Variants in PRKG2 observed in about 807,000 individuals in gnomAD.
The protein encoded by PRKG2 is cGMP-dependent protein kinase 2.
Under a neutral mutation model 97.2 loss-of-function variants are expected in PRKG2, and 33 were observed. That is an observed-to-expected ratio of 0.34 (90% CI 0.26 to 0.45). The LOEUF is 0.45. PRKG2 is among the 20% of genes least tolerant of loss of function. PRKG2 has a pLI of 1.00. For missense variants in PRKG2, 638 were observed against 900.0 expected, an observed-to-expected ratio of 0.71 and a Z score of 3.73; for synonymous variants, 330 against 321.8, an observed-to-expected ratio of 1.03 and a Z score of -0.27.
At chr4:81,102,799 G>A (rs779259015) in intron 17 of PRKG2, among the ~76,000 whole-genome samples, 2 of 152,078 alleles carry the variant, frequency 1.3e-5, no homozygotes, top group East Asian at 3.9e-4. Context: ...TTGTTTTGAA[G>A]CTGTACTGCT....
chr4:81,124,915 G>A (rs879476043), intron 14 of PRKG2, among the ~76,000 whole-genome samples: 16 of 152,050 alleles, frequency 1.1e-4, no homozygotes, highest in Admixed American at 1.0e-3. Flanking sequence ...CTGATGATTG[G>A]TGTCATTTTT....
intron 14 of PRKG2, among the ~76,000 whole-genome samples, chr4:81,127,341 G>T (rs1437332842): frequency 1.3e-5 from 2 of 152,114 alleles, no homozygotes; most frequent in Non-Finnish European, 2.9e-5. Flanking sequence ...AAATGTCTTG[G>T]CTATACAGGC....
intron 12 of PRKG2, among the ~76,000 whole-genome samples, chr4:81,138,529 C>G (rs893251280): frequency 2.0e-5 from 3 of 151,820 alleles, no homozygotes; most frequent in Admixed American, 2.0e-4. Context: ...TTACTCTATA[C>G]AGATTACATA....
intron 2 of PRKG2, among the ~76,000 whole-genome samples, chr4:81,203,585 A>G (rs1485723756): frequency 1.3e-5 from 2 of 152,170 alleles, no homozygotes; most frequent in African/African-American, 2.4e-5. Context: ...TCGAGGCAAA[A>G]GATTTAATTT....
intron 14 of PRKG2, among the ~76,000 whole-genome samples, chr4:81,128,677 C>T (rs1334256717): frequency 6.6e-6 from 1 of 151,948 alleles, no homozygotes; most frequent in Non-Finnish European, 1.5e-5. Context: ...GGGTGATATC[C>T]CCTTTATCAT....
At chr4:81,174,075 T>C (rs1428508691) in intron 3 of PRKG2, 1 of 152,116 alleles carries the variant, frequency 6.6e-6, no homozygotes, top group Non-Finnish European at 1.5e-5. Context: ...TTATAAGATC[T>C]ATACATTACA....
At chr4:81,159,412 C>T (rs1336359037) in intron 6 of PRKG2, among the ~76,000 whole-genome samples, 2 of 152,136 alleles carry the variant, frequency 1.3e-5, no homozygotes, top group Non-Finnish European at 2.9e-5. Flanking sequence ...CAATGAGATA[C>T]CATTTCACAC....
chr4:81,182,542 G>C lies in PRKG2; in HGVS notation c.462-7583C>G, dbSNP rs77128517. On this transcript the variant is annotated intron_variant, in intron 2 of 18. Transcript: ENST00000264399. ...CAGAAGTCTGAGCAAATTTAATAAA[G>C]GGAGAAAGAAAAGAAACAAAAAGAA... Among the ~76,000 whole-genome samples, 308 of 151,594 alleles carry C rather than the reference G, an allele frequency of 2.0e-3. 3 individuals are homozygous for C. The highest frequency in any genetic ancestry group is 7.1e-3 in the African/African-American group (294 of 41,392).
intron 6 of PRKG2, among the ~76,000 whole-genome samples, chr4:81,163,385 T>C (rs747369906): frequency 6.6e-6 from 1 of 152,148 alleles, no homozygotes; most frequent in Non-Finnish European, 1.5e-5. Flanking sequence ...CAAGAAGCCA[T>C]AGACCCTATC....
chr4:81,158,679 A>G (rs1277934035), intron 6 of PRKG2, among the ~76,000 whole-genome samples: 1 of 152,080 alleles, frequency 6.6e-6, no homozygotes, highest in Non-Finnish European at 1.5e-5. Flanking sequence ...GAGGCATCAC[A>G]CTACCTGACT....
At chr4:81,110,764 G>GAGAGACAGACAGAC (rs1553919021) in intron 14 of PRKG2, among the ~76,000 whole-genome samples, 153 bp from the exon 15 acceptor site, 1,511 of 146,302 alleles carry the variant, frequency 0.01, 27 homozygotes, top group African/African-American at 0.036. Flanking sequence ...GAGAGAGAGA[G>GAGAGACAGACAGAC]AGACAGACAG....
chr4:81,112,257 A>C (rs1029650745), intron 14 of PRKG2, among the ~76,000 whole-genome samples: 2 of 152,176 alleles, frequency 1.3e-5, no homozygotes, highest in Admixed American at 1.3e-4. Context: ...CACAGTGATT[A>C]TATCTACTGT....
chr4:81,153,011 T>TCC (rs1253908886), intron 7 of PRKG2, among the ~76,000 whole-genome samples: 1 of 152,232 alleles, frequency 6.6e-6, no homozygotes, highest in African/African-American at 2.4e-5. Flanking sequence ...AATTGGCCCT[T>TCC]CCCTTCAATA....
Position 81,142,781 on chromosome 4 carries a change from G to A in PRKG2, c.1407+13C>T, listed in dbSNP as rs762890023. 12 of 1,545,728 alleles carry A rather than the reference G, an allele frequency of 7.8e-6. No homozygotes were observed. The highest frequency in any genetic ancestry group is 1.8e-5 in the Admixed American group (1 of 54,920). On this transcript the variant is annotated intron_variant, in intron 11 of 18. Coordinates refer to ENST00000264399, the MANE Select transcript of PRKG2 (RefSeq NM_006259.3). ...AAGGCTTCTCTCAGATGCTTGAAAC[G>A]TAAACCCCTTACAAGCTCAACTCTT...
chr4:81,208,643 C>G (rs1316959384), intron 1 of PRKG2, among the ~76,000 whole-genome samples: 1 of 152,030 alleles, frequency 6.6e-6, no homozygotes, highest in Non-Finnish European at 1.5e-5. Context: ...TCAAACTGGT[C>G]TCGAAATCCT....
intron 2 of PRKG2, 111 bp from the exon 3 acceptor site, chr4:81,175,070 C>G: frequency 9.4e-7 from 1 of 1,063,566 alleles, no homozygotes; most frequent in Non-Finnish European, 1.3e-6. Flanking sequence ...TTATAACTTT[C>G]TAGCAAGAAC....
chr4:81,115,715 G>C (rs1366820364), intron 14 of PRKG2, among the ~76,000 whole-genome samples: 2 of 152,090 alleles, frequency 1.3e-5, no homozygotes, highest in Non-Finnish European at 2.9e-5. Context: ...TCACTATCTA[G>C]AACTATGCCA....
chr4:81,089,464 G>A lies in PRKG2; in HGVS notation c.*244C>T. 2.8e-6 allele frequency: 1 copy of A among 359,512 alleles called. No individual in the cohort carries two copies. Among genetic ancestry groups the A allele is most frequent in the East Asian group, 4.4e-5 (1 of 22,510 alleles). The allele number at this position is 359,512 out of a possible 1,614,324, so 22.3% of individuals were successfully genotyped here. Reference sequence around the variant, plus strand: ...GCTCTGATTGTGGAAAGGAAAATGGGGTAGCCTCTAGCAGTTGAGAAAAGC... The same window carrying A: ...GCTCTGATTGTGGAAAGGAAAATGGAGTAGCCTCTAGCAGTTGAGAAAAGC... On this transcript the variant is annotated 3_prime_UTR_variant, in exon 19 of 19. Transcript: ENST00000264399.
intron 14 of PRKG2, among the ~76,000 whole-genome samples, chr4:81,111,815 T>G (rs1170744562): frequency 1.3e-5 from 2 of 152,180 alleles, no homozygotes; most frequent in African/African-American, 4.8e-5. Flanking sequence ...CACAGGGGTA[T>G]TTAGCAAATA....
Sources: gnomAD v4.1 joint callset for allele counts (sites outside exome capture counted in the v4.1 genomes callset) on GRCh38, gnomAD v4.1.1 for gene constraint, MANE v1.5 for transcripts, NCBI Gene and HGNC (gene_info 2026-07-23, HGNC 2026-07-21) for gene names.